The following FUNDC2 variants were observed in gnomAD, a reference collection of about 807,000 sequenced individuals.
FUNDC2 encodes FUN14 domain containing 2, also known as FUN14 domain-containing protein 2.
Under a neutral mutation model 15.6 loss-of-function variants are expected in FUNDC2, and 4 were observed. The observed-to-expected ratio is 0.26, with a 90% CI of 0.13 to 0.59. FUNDC2 has a LOEUF of 0.59. FUNDC2 is among the 20% of genes least tolerant of loss of function. The probability of loss-of-function intolerance (pLI) is 0.90; values close to 1 mark genes in which losing one functional copy is unlikely to be tolerated. For missense variants in FUNDC2, 98 were observed against 149.7 expected, an observed-to-expected ratio of 0.65 and a Z score of 1.80; for synonymous variants, 44 against 56.9, an observed-to-expected ratio of 0.77 and a Z score of 1.02.
At chrX:155,030,902 G>GTCTCGAACTCCT (rs2073812946) in intron 1 of FUNDC2, among the ~76,000 whole-genome samples, 1 of 110,132 alleles carries the variant, frequency 9.1e-6, no homozygotes, top group African/African-American at 3.3e-5. Flanking sequence ...GGCCAGGCTG[G>GTCTCGAACTCCT]TCTCGAACTC....
At chrX:155,029,289 C>A (rs1483544346) in intron 1 of FUNDC2, among the ~76,000 whole-genome samples, 2 of 112,034 alleles carry the variant, frequency 1.8e-5, no homozygotes, top group East Asian at 5.6e-4. Context: ...AAAGACAAAC[C>A]ACAGTGCTGT....
chrX:155,027,918 G>T (rs2073800209), intron 1 of FUNDC2, among the ~76,000 whole-genome samples: 1 of 111,727 alleles, frequency 9.0e-6, no homozygotes, highest in South Asian at 3.7e-4. Context: ...AATGGAAATT[G>T]GCTACACTAC....
rs782329271 is a variant in FUNDC2, at chrX:155,051,706, C to A, written c.397C>A (p.Gln133Lys). The change falls in exon 4 of 5, where the codon CAA (glutamine) becomes AAA (lysine). Residue 133 changes from glutamine (Q) to lysine (K), a missense_variant. Transcript: ENST00000369498. Reference sequence around the variant, plus strand: ...TACTGGGTACATCAAAGTTGACTGGCAACGAGTGGAGAAGGACATGAAGAA... The same window carrying A: ...TACTGGGTACATCAAAGTTGACTGGAAACGAGTGGAGAAGGACATGAAGAA... ...NHTGYIKVDW[Q>K]RVEKDMKKAK... The A allele has an allele frequency of 2.5e-6, 3 of 1,210,138 alleles. No homozygotes were observed. Among genetic ancestry groups the A allele is most frequent in the Non-Finnish European group, 3.4e-6 (3 of 894,019 alleles).
At chrX:155,048,725 C>T (rs113240511) in intron 3 of FUNDC2, among the ~76,000 whole-genome samples, 3,447 of 112,353 alleles carry the variant, frequency 0.031, 43 homozygotes, top group African/African-American at 0.039. Flanking sequence ...TCTGTGAACA[C>T]GGGCTTTCTC....
At chrX:155,043,204 T>G (rs1557289764) in intron 2 of FUNDC2, among the ~76,000 whole-genome samples, 1 of 112,396 alleles carries the variant, frequency 8.9e-6, no homozygotes, top group East Asian at 2.8e-4. Flanking sequence ...CCTCCTAAAG[T>G]ACTGGGATTA....
intron 1 of FUNDC2, among the ~76,000 whole-genome samples, chrX:155,029,753 C>CAAAAAAA (rs59625612): frequency 4.5e-5 from 3 of 66,337 alleles, no homozygotes; most frequent in African/African-American, 5.6e-5. Context: ...AACTCTATCT[C>CAAAAAAA]AAAAAAAAAA....
In FUNDC2 at chrX:155,056,588, A is replaced by C. The variant is rs1288019304; in HGVS notation, c.*1916A>C. On this transcript the variant is annotated 3_prime_UTR_variant, in exon 5 of 5. Coordinates refer to ENST00000369498, the MANE Select transcript of FUNDC2 (RefSeq NM_023934.4). Reference sequence around the variant, plus strand: ...TATATTGATATAGACATATGTAGTGACACTGAGTCATCTGTTTCCTGCTTC... The same window carrying C: ...TATATTGATATAGACATATGTAGTGCCACTGAGTCATCTGTTTCCTGCTTC... 1.8e-5 allele frequency: 2 copies of C among 109,156 alleles called. No individual in the cohort carries two copies. Among genetic ancestry groups the C allele is most frequent in the Non-Finnish European group, 3.8e-5 (2 of 52,605 alleles). 9.0% of individuals were successfully genotyped at this position (109,156 alleles called of 1,213,427 possible). A position where few individuals can be genotyped will look rare whatever the true frequency, so the allele number is the denominator to read the frequency against.
intron 1 of FUNDC2, among the ~76,000 whole-genome samples, chrX:155,031,123 G>A (rs2073813660): frequency 1.8e-5 from 2 of 111,086 alleles, no homozygotes; most frequent in Non-Finnish European, 3.8e-5. Flanking sequence ...ATTCCTTTCT[G>A]CATTTCCATA....
In FUNDC2 at chrX:155,057,034, C is replaced by CACAG. The variant is rs2073905973; in HGVS notation, c.*2362_*2363insACAG. 9.9e-6 allele frequency: 1 copy of CACAG among 100,540 alleles called. No homozygotes were observed. The highest frequency in any genetic ancestry group is 2.1e-5 in the Non-Finnish European group (1 of 48,563). 8.3% of individuals were successfully genotyped at this position (100,540 alleles called of 1,213,427 possible). ...GGTTGAGGTCAGTATTGCAGGTTGG[C>CACAG]CTCATCCTGCTAGTATGAGAACGGC... On this transcript the variant is annotated 3_prime_UTR_variant, in exon 5 of 5. Transcript: ENST00000369498.
Position 155,027,085 on chromosome X carries a change from C to T in FUNDC2, c.133+14C>T, listed in dbSNP as rs2073795130. On this transcript the variant is annotated intron_variant, in intron 1 of 4. Coordinates refer to ENST00000369498, the MANE Select transcript of FUNDC2 (RefSeq NM_023934.4). ...CGTCCAGTCAAGGTAAGGGCGGGCG[C>T]GCGCGCGGCCGGCGCCGCGGGGAGC... 1.8e-6 allele frequency: 2 copies of T among 1,109,946 alleles called. No homozygotes were observed. Among genetic ancestry groups the T allele is most frequent in the East Asian group, 7.2e-5 (2 of 27,771 alleles). 91.5% of individuals were successfully genotyped at this position (1,109,946 alleles called of 1,213,427 possible).
chrX:155,051,775 A>T lies in FUNDC2; in HGVS notation c.466A>T (p.Thr156Ser). The change falls in exon 4 of 5, where the codon ACT (threonine) becomes TCT (serine). Residue 156 changes from threonine (T) to serine (S), a missense_variant. Physicochemically the swap from Thr to Ser is moderately conservative, Grantham distance 58. Coordinates refer to ENST00000369498, the MANE Select transcript of FUNDC2 (RefSeq NM_023934.4). ...LKIRKSNQIP[T>S]EVRSKAEEVV... Reference sequence around the variant, plus strand: ...GATCCGTAAGAGCAATCAGATACCTACTGAGGTCAGGAGCAAAGCTGAGGA... The same window carrying T: ...GATCCGTAAGAGCAATCAGATACCTTCTGAGGTCAGGAGCAAAGCTGAGGA... 8.3e-7 allele frequency: 1 copy of T among 1,211,326 alleles called. No individual in the cohort carries two copies. Among genetic ancestry groups the T allele is most frequent in the Non-Finnish European group, 1.1e-6 (1 of 894,889 alleles).
intron 1 of FUNDC2, 41 bp downstream of exon 1, chrX:155,027,112 G>T (rs1199338366): frequency 9.4e-7 from 1 of 1,065,994 alleles, no homozygotes; most frequent in Non-Finnish European, 1.2e-6. Context: ...GCGGGGAGCC[G>T]CCTTCCTGGG....
chrX:155,043,174 A>G (rs1461297038), intron 2 of FUNDC2, among the ~76,000 whole-genome samples: 1 of 111,965 alleles, frequency 8.9e-6, no homozygotes, highest in Non-Finnish European at 1.9e-5. Context: ...ACCTGGGCTC[A>G]AGCAATCCTC....
At chrX:155,044,150 AG>A (rs1241336387) in intron 2 of FUNDC2, among the ~76,000 whole-genome samples, 1 of 112,248 alleles carries the variant, frequency 8.9e-6, no homozygotes, top group Non-Finnish European at 1.9e-5. Context: ...TGATTTACAA[AG>A]AGACATCTGG....
chrX:155,040,887 G>A (rs2073844375), intron 2 of FUNDC2, among the ~76,000 whole-genome samples: 1 of 111,450 alleles, frequency 9.0e-6, no homozygotes, highest in South Asian at 3.7e-4. Flanking sequence ...AGTTGTAAGA[G>A]TTCTTTATAT....
intron 1 of FUNDC2, 158 bp from the exon 2 acceptor site, chrX:155,033,245 T>C (rs2073821260): frequency 2.3e-6 from 1 of 433,051 alleles, no homozygotes; most frequent in Admixed American, 4.1e-5. Flanking sequence ...TTGCTGATTT[T>C]AGTCTGATTT....
intron 4 of FUNDC2, chrX:155,054,132 G>A (rs1192774985): frequency 1.3e-6 from 1 of 751,054 alleles, no homozygotes; most frequent in Non-Finnish European, 1.6e-6. Flanking sequence ...ATGCATGGAT[G>A]GAGAGATTTA....
At chrX:155,053,114 C>T (rs1253376158) in intron 4 of FUNDC2, among the ~76,000 whole-genome samples, 6 of 112,412 alleles carry the variant, frequency 5.3e-5, no homozygotes, top group African/African-American at 1.9e-4. Context: ...AGCAGTATTC[C>T]CACCTCGGCC....
intron 1 of FUNDC2, 99 bp from the exon 2 acceptor site, chrX:155,033,304 G>A (rs1437952009): frequency 1.5e-6 from 1 of 664,005 alleles, no homozygotes; most frequent in Non-Finnish European, 2.2e-6. Flanking sequence ...TAGAATATTT[G>A]GAGGTTTCTT....
Sources: allele counts gnomAD v4.1 joint callset (sites outside exome capture counted in the v4.1 genomes callset), GRCh38; gene constraint gnomAD v4.1.1; transcripts MANE v1.5; gene names NCBI Gene and HGNC (gene_info 2026-07-23, HGNC 2026-07-21).